Variants in SCAF8 observed in about 807,000 individuals in gnomAD.
SCAF8 encodes SR-related CTD associated factor 8, also known as SR-related and CTD-associated factor 8.
A neutral mutation model predicts 140.5 loss-of-function variants in SCAF8; 23 were observed. The ratio of observed to expected loss-of-function variants is 0.16; its 90% CI spans 0.12 to 0.23. SCAF8 has a LOEUF of 0.23. Ranked by LOEUF, SCAF8 falls within the 10% of genes least tolerant of loss-of-function variation. The probability of loss-of-function intolerance (pLI) is 1.00; values close to 1 mark genes in which losing one functional copy is unlikely to be tolerated. For missense variants in SCAF8, 1,397 were observed against 1,555.7 expected (o/e 0.90, Z 1.72); for synonymous variants, 575 against 528.9 (o/e 1.09, Z -1.20).
At chr6:154,761,988 G>T (rs975986040) in intron 1 of SCAF8, among the ~76,000 whole-genome samples, 1 of 151,958 alleles carries the variant, frequency 6.6e-6, no homozygotes, top group African/African-American at 2.4e-5. Flanking sequence ...ATTTTCACTT[G>T]TAAACTTAGG....
chr6:154,784,151 A>ATT (rs1554260671), intron 3 of SCAF8, among the ~76,000 whole-genome samples: 10 of 97,580 alleles, frequency 1.0e-4, no homozygotes, highest in East Asian at 3.0e-4. Flanking sequence ...ATATATATAT[A>ATT]TATATATTTA....
chr6:154,751,027 T>A (rs1457539944), intron 1 of SCAF8, among the ~76,000 whole-genome samples: 2 of 151,158 alleles, frequency 1.3e-5, no homozygotes, highest in Admixed American at 6.6e-5. Flanking sequence ...TAAAATGAAG[T>A]TATTTTCATT....
chr6:154,778,769 ATGTGTGTGTGTGTG>A (rs71021079), intron 3 of SCAF8, among the ~76,000 whole-genome samples: 130 of 142,162 alleles, frequency 9.1e-4, no homozygotes, highest in African/African-American at 2.7e-3. Flanking sequence ...GTCTCAAAAA[ATGTGTGTGTGTGTG>A]TGTGTGTGTG....
chr6:154,794,908 C>A, intron 5 of SCAF8, 101 bp from the exon 6 acceptor site: 1 of 1,003,690 alleles, frequency 1.0e-6, no homozygotes, highest in Non-Finnish European at 1.4e-6. Flanking sequence ...AATATGCGTG[C>A]ATGTGTTTTA....
chr6:154,753,783 G>T (rs1778899286), intron 1 of SCAF8, among the ~76,000 whole-genome samples: 1 of 152,176 alleles, frequency 6.6e-6, no homozygotes. Context: ...GGTGGATAGG[G>T]TGCAGGAATG....
At position 154,833,498 on chromosome 6, in the gene SCAF8, T is replaced by C; in HGVS notation, c.*103T>C. The C allele has an allele frequency of 9.4e-7, 1 of 1,063,154 alleles. No individual in the cohort carries two copies. Among genetic ancestry groups the C allele is most frequent in the Non-Finnish European group, 1.4e-6 (1 of 733,160 alleles). 65.9% of individuals were successfully genotyped at this position (1,063,154 alleles called of 1,614,324 possible). ...GTTGTTCACTTTTGTCTGCCAGAAT[T>C]AAGTTAATCTGATGTTCATGTTCAC... On this transcript the variant is annotated 3_prime_UTR_variant, in exon 20 of 20. Coordinates refer to ENST00000367178, the MANE Select transcript of SCAF8 (RefSeq NM_014892.5).
intron 1 of SCAF8, among the ~76,000 whole-genome samples, chr6:154,768,187 T>G (rs1052325035): frequency 6.6e-6 from 1 of 152,152 alleles, no homozygotes; most frequent in African/African-American, 2.4e-5. Flanking sequence ...CTTGAAAAGG[T>G]GGGCAACTGC....
At chr6:154,761,237 T>C (rs146448807) in intron 1 of SCAF8, among the ~76,000 whole-genome samples, 4 of 152,304 alleles carry the variant, frequency 2.6e-5, no homozygotes, top group Admixed American at 2.6e-4. Context: ...TGAAACACTT[T>C]GTTTGTTGGG....
At chr6:154,811,395 G>GTT (rs578123121) in intron 12 of SCAF8, among the ~76,000 whole-genome samples, 4 of 143,306 alleles carry the variant, frequency 2.8e-5, no homozygotes, top group Non-Finnish European at 3.1e-5. Flanking sequence ...TGTTTACACA[G>GTT]TTTTTTTTTT....
chr6:154,793,237 T>C (rs549033347), intron 5 of SCAF8, among the ~76,000 whole-genome samples: 1 of 152,284 alleles, frequency 6.6e-6, no homozygotes, highest in East Asian at 1.9e-4. Flanking sequence ...AATTAGATTT[T>C]TCCTGATTTA....
chr6:154,830,585 C>T (rs906619032), intron 18 of SCAF8, among the ~76,000 whole-genome samples: 5 of 152,140 alleles, frequency 3.3e-5, no homozygotes, highest in African/African-American at 1.2e-4. Context: ...TCAGTCTGCA[C>T]TAGTCATTTC....
At chr6:154,778,067 CAT>C in intron 3 of SCAF8, 22 bp downstream of exon 3, 1 of 1,397,602 alleles carries the variant, frequency 7.2e-7, no homozygotes, top group East Asian at 2.3e-5. Context: ...ATTTTCCATA[CAT>C]GTGCTGTAAT....
intron 3 of SCAF8, among the ~76,000 whole-genome samples, chr6:154,778,830 A>ATTAAT (rs1776995163): frequency 6.7e-6 from 1 of 150,254 alleles, no homozygotes; most frequent in African/African-American, 2.5e-5. Flanking sequence ...ATACTTGGGG[A>ATTAAT]TTAAGTGGTT....
At chr6:154,809,933 T>C (rs193216856) in intron 11 of SCAF8, 82 bp from the exon 12 acceptor site, 6 of 1,127,270 alleles carry the variant, frequency 5.3e-6, no homozygotes, top group Admixed American at 2.3e-5. Flanking sequence ...TTTTTTGTTA[T>C]TGTTTTTTCC....
intron 1 of SCAF8, among the ~76,000 whole-genome samples, chr6:154,772,847 C>T (rs1776810008): frequency 6.6e-6 from 1 of 152,146 alleles, no homozygotes; most frequent in Non-Finnish European, 1.5e-5. Context: ...GCAACCTCCA[C>T]CTCTTGGGTT....
rs1427000726 is a variant in SCAF8 at position 154,808,749 on chromosome 6, A to G, written c.1177A>G (p.Lys393Glu). Residue 393 changes from lysine to glutamate, a missense_variant, in exon 11 of 20, where the codon AAA becomes GAA. By Grantham distance (56) the Lys-to-Glu change is moderately conservative (BLOSUM62 1). This residue lies in a region of SCAF8 where 339 missense variants were observed against 407.5 expected (regional missense o/e 0.83). Coordinates refer to ENST00000367178, the MANE Select transcript of SCAF8 (RefSeq NM_014892.5). ...EEEVFEQEAKKVAVRSRSRTH... is the reference protein window; with the variant it reads ...EEEVFEQEAKEVAVRSRSRTH... ...GGAGGTCTTTGAACAAGAAGCTAAG[A>G]AAGTGGCGGTTCGCTCAAGATCAAG... The G allele has an allele frequency of 6.2e-7, 1 of 1,613,986 alleles. No individual in the cohort carries two copies. Among genetic ancestry groups the G allele is most frequent in the South Asian group, 1.1e-5 (1 of 91,062 alleles).
chr6:154,809,521 A>G (rs1778025054), intron 11 of SCAF8, among the ~76,000 whole-genome samples: 1 of 152,208 alleles, frequency 6.6e-6, no homozygotes, highest in South Asian at 2.1e-4. Flanking sequence ...CATTAGCAGC[A>G]TCTTACTAAG....
intron 12 of SCAF8, among the ~76,000 whole-genome samples, chr6:154,812,723 T>C (rs564433293): frequency 1.3e-5 from 2 of 152,250 alleles, no homozygotes; most frequent in African/African-American, 4.8e-5. Flanking sequence ...AATAATAACA[T>C]TCCAGGAATC....
intron 2 of SCAF8, among the ~76,000 whole-genome samples, chr6:154,776,642 C>T (rs993557738): frequency 6.6e-6 from 1 of 152,134 alleles, no homozygotes; most frequent in Non-Finnish European, 1.5e-5. Flanking sequence ...TCTAAAGTGC[C>T]TAATAACTTT....
Sources: gnomAD v4.1 joint callset for allele counts (sites outside exome capture counted in the v4.1 genomes callset) on GRCh38, gnomAD v4.1.1 for gene constraint, gnomAD v4.1.1 regional missense constraint, MANE v1.5 for transcripts, NCBI Gene and HGNC (gene_info 2026-07-23, HGNC 2026-07-21) for gene names.